Variants in LRRC4C observed in about 807,000 individuals in gnomAD.
LRRC4C encodes the protein leucine-rich repeat-containing protein 4C.
A neutral mutation model predicts 33.6 loss-of-function variants in LRRC4C; 5 were observed. The observed-to-expected ratio is 0.15, with a 90% CI of 0.08 to 0.31. The LOEUF (loss-of-function observed/expected upper bound fraction) is 0.31, where lower values mean the gene tolerates loss of function less well. Ranked by LOEUF, LRRC4C falls within the 10% of genes least tolerant of loss-of-function variation. The pLI is 1.00. For synonymous variants in LRRC4C, 329 were observed against 302.0 expected, an observed-to-expected ratio of 1.09 and a Z score of -0.93; for missense variants, 560 against 796.7, an observed-to-expected ratio of 0.70 and a Z score of 3.58.
intron 5 of LRRC4C, among the ~76,000 whole-genome samples, chr11:40,171,760 T>C (rs765236442): frequency 2.5e-4 from 38 of 152,226 alleles, no homozygotes; most frequent in Non-Finnish European, 5.1e-4. Context: ...CTATTCGTTA[T>C]AGTATAATTT....
chr11:40,838,444 C>T (rs1204218896), intron 2 of LRRC4C, among the ~76,000 whole-genome samples: 1 of 152,256 alleles, frequency 6.6e-6, no homozygotes, highest in Non-Finnish European at 1.5e-5. Context: ...ATCCATTCAT[C>T]CAAGCGGTTA....
intron 5 of LRRC4C, among the ~76,000 whole-genome samples, chr11:40,162,163 A>G (rs1028257097): frequency 1.1e-4 from 15 of 141,422 alleles, no homozygotes; most frequent in African/African-American, 3.7e-4. Flanking sequence ...GTTCCAGAAG[A>G]AAAAAAAAAA....
chr11:40,915,681 C>A (rs758345717), intron 2 of LRRC4C, among the ~76,000 whole-genome samples: 37 of 152,220 alleles, frequency 2.4e-4, no homozygotes, highest in Non-Finnish European at 3.8e-4. Context: ...GCAACAAAAG[C>A]CAAAATTGAC....
intron 3 of LRRC4C, among the ~76,000 whole-genome samples, chr11:40,604,368 T>A (rs1235310130): frequency 6.6e-6 from 1 of 152,082 alleles, no homozygotes; most frequent in African/African-American, 2.4e-5. Context: ...TATAATGTAT[T>A]GGGTACAATA....
chr11:40,138,724 T>C (rs1054469119), intron 6 of LRRC4C, among the ~76,000 whole-genome samples: 1 of 152,354 alleles, frequency 6.6e-6, no homozygotes, highest in South Asian at 2.1e-4. Context: ...AGGTACTCAA[T>C]ATATAGTATA....
intron 2 of LRRC4C, among the ~76,000 whole-genome samples, chr11:40,721,607 T>G (rs768813834): frequency 2.6e-4 from 39 of 152,176 alleles, no homozygotes; most frequent in Admixed American, 4.6e-4. Context: ...CCCAATAATA[T>G]TAGAGAAGAT....
chr11:40,345,421 C>A (rs1947080657), intron 3 of LRRC4C, among the ~76,000 whole-genome samples: 1 of 152,064 alleles, frequency 6.6e-6, no homozygotes. Context: ...TGATCTTTGA[C>A]AAAGCTGACA....
At chr11:40,462,309 T>A (rs147306772) in intron 3 of LRRC4C, among the ~76,000 whole-genome samples, 1 of 152,120 alleles carries the variant, frequency 6.6e-6, no homozygotes. Context: ...TTAGTCTTTA[T>A]TATGTAGGAA....
At chr11:40,405,412 G>A (rs552072608) in intron 3 of LRRC4C, among the ~76,000 whole-genome samples, 3 of 151,920 alleles carry the variant, frequency 2.0e-5, no homozygotes, top group Non-Finnish European at 4.4e-5. Flanking sequence ...AAGGTGGGTG[G>A]ATCACCTGAG....
chr11:41,226,622 A>G (rs1210033728), intron 1 of LRRC4C, among the ~76,000 whole-genome samples: 1 of 151,478 alleles, frequency 6.6e-6, no homozygotes, highest in East Asian at 2.0e-4. Flanking sequence ...CTTGATTCCA[A>G]CTCCTCCTGT....
intron 3 of LRRC4C, among the ~76,000 whole-genome samples, chr11:40,581,416 C>T (rs1460536616): frequency 1.3e-5 from 2 of 152,166 alleles, no homozygotes; most frequent in African/African-American, 2.4e-5. Flanking sequence ...GAGTTGTCCC[C>T]CTCTATATTT....
chr11:40,287,404 T>C (rs1374436752), intron 4 of LRRC4C, among the ~76,000 whole-genome samples: 2 of 152,040 alleles, frequency 1.3e-5, no homozygotes, highest in Non-Finnish European at 2.9e-5. Flanking sequence ...CACTCTTGTA[T>C]GTGCATGCAT....
At chr11:40,899,120 T>A (rs1956097186) in intron 2 of LRRC4C, among the ~76,000 whole-genome samples, 2 of 152,204 alleles carry the variant, frequency 1.3e-5, no homozygotes, top group Admixed American at 1.3e-4. Context: ...GCATTTTATT[T>A]AGTAAAGAAC....
intron 1 of LRRC4C, among the ~76,000 whole-genome samples, chr11:41,377,188 A>G (rs1952967666): frequency 6.6e-6 from 1 of 152,140 alleles, no homozygotes; most frequent in Non-Finnish European, 1.5e-5. Flanking sequence ...CTCCCTTTAA[A>G]TTATCCTTTT....
chr11:40,495,613 G>A (rs555380745), intron 3 of LRRC4C, among the ~76,000 whole-genome samples: 1 of 152,034 alleles, frequency 6.6e-6, no homozygotes, highest in South Asian at 2.1e-4. Flanking sequence ...ACAACATAGC[G>A]GGTAAGACCC....
At chr11:41,446,573 T>C (rs1167409535) in intron 1 of LRRC4C, among the ~76,000 whole-genome samples, 2 of 151,886 alleles carry the variant, frequency 1.3e-5, no homozygotes, top group African/African-American at 2.4e-5. Context: ...TTCTCAGTGG[T>C]CCCAGGGCAG....
At chr11:40,533,368 A>G (rs1324530360) in intron 3 of LRRC4C, among the ~76,000 whole-genome samples, 1 of 152,170 alleles carries the variant, frequency 6.6e-6, no homozygotes, top group Non-Finnish European at 1.5e-5. Context: ...AACTACCAGA[A>G]GCTTCCAACT....
rs995398053 is a variant in LRRC4C, at chr11:41,331,609, G to T, written c.-496+127822C>A. On this transcript the variant is annotated intron_variant, in intron 1 of 6. Transcript: ENST00000528697. ...ACACCAATTTTATATCCAACTCAAG[G>T]CACTTGCTTTAGGTGTTTCCTCTGC... Among the ~76,000 whole-genome samples, 3 of 152,074 alleles carry T rather than the reference G, an allele frequency of 2.0e-5. No individual in the cohort carries two copies. The East Asian group carries it at 5.8e-4, about 29-fold the overall frequency.
chr11:41,370,143 T>G (rs1055334578), intron 1 of LRRC4C, among the ~76,000 whole-genome samples: 1 of 152,196 alleles, frequency 6.6e-6, no homozygotes, highest in Non-Finnish European at 1.5e-5. Context: ...TGGTATAATT[T>G]TGAAGTAAGA....
Sources: allele counts gnomAD v4.1 joint callset (sites outside exome capture counted in the v4.1 genomes callset), GRCh38; gene constraint gnomAD v4.1.1; transcripts MANE v1.5; gene names NCBI Gene and HGNC (gene_info 2026-07-23, HGNC 2026-07-21).